C5: variants seen among roughly 807,000 people sequenced by gnomAD.
The protein encoded by C5 is complement C5.
A neutral mutation model predicts 218.8 loss-of-function variants in C5; 140 were observed. The observed-to-expected ratio is 0.64, with a 90% CI of 0.56 to 0.74. The LOEUF is 0.74. C5 is among the 30% of genes least tolerant of loss of function. C5 has a pLI of 0.00. For synonymous variants in C5, 614 were observed against 682.3 expected (o/e 0.90, Z 1.56); for missense variants, 1,700 against 1,969.6 (o/e 0.86, Z 2.59).
intron 28 of C5, among the ~76,000 whole-genome samples, chr9:120,979,004 C>T (rs1225376768): frequency 6.6e-6 from 1 of 152,206 alleles, no homozygotes; most frequent in African/African-American, 2.4e-5. Flanking sequence ...AGCCTCGATT[C>T]ACTTGATTGC....
At chr9:121,018,027 C>A (rs552285291) in intron 12 of C5, among the ~76,000 whole-genome samples, 175 bp from the exon 13 acceptor site, 33 of 151,686 alleles carry the variant, frequency 2.2e-4, no homozygotes, top group Non-Finnish European at 4.0e-4. Context: ...CCGAGGTGGG[C>A]CGATCACTTG....
At chr9:121,048,057 A>G (rs1349669832) in intron 1 of C5, among the ~76,000 whole-genome samples, 1 of 152,214 alleles carries the variant, frequency 6.6e-6, no homozygotes, top group African/African-American at 2.4e-5. Context: ...TTCACAAATT[A>G]TAGAATTAGA....
chr9:121,051,077 TGA>T (rs1258392559), upstream of C5, among the ~76,000 whole-genome samples: 1 of 152,058 alleles, frequency 6.6e-6, no homozygotes, highest in East Asian at 1.9e-4. Context: ...CTATAACAAT[TGA>T]GTCTAGTAAT....
intron 31 of C5, among the ~76,000 whole-genome samples, chr9:120,970,584 C>A (rs1240460398): frequency 6.6e-6 from 1 of 152,210 alleles, no homozygotes; most frequent in Non-Finnish European, 1.5e-5. Context: ...TTACACACAA[C>A]AGCACAAGGC....
At chr9:121,052,670 T>G (rs566412976), upstream of C5, among the ~76,000 whole-genome samples, 167 of 152,142 alleles carry the variant, frequency 1.1e-3, 3 homozygotes, top group Non-Finnish European at 8.5e-4. Flanking sequence ...ACCAGGCCCC[T>G]CTTGAGCCCT....
intron 20 of C5, among the ~76,000 whole-genome samples, chr9:121,002,331 TATATATATATACAC>T (rs1326682478): frequency 3.4e-5 from 4 of 116,668 alleles, no homozygotes; most frequent in African/African-American, 1.2e-4. Context: ...TATATATATA[TATATATATATACAC>T]ACATACCTAC....
chr9:121,054,321 C>T (rs1444498120), upstream of C5, among the ~76,000 whole-genome samples: 6 of 152,106 alleles, frequency 3.9e-5, no homozygotes, highest in African/African-American at 7.2e-5. Flanking sequence ...TGGTATAGTC[C>T]GGGCGTGGTG....
chr9:120,954,805 T>A (rs1018236836), intron 39 of C5, among the ~76,000 whole-genome samples: 2 of 152,258 alleles, frequency 1.3e-5, no homozygotes, highest in African/African-American at 2.4e-5. Context: ...ATTAGTGATA[T>A]AAATTTCAGT....
intron 21 of C5, 138 bp from the exon 22 acceptor site, chr9:120,996,438 C>G: frequency 1.3e-6 from 1 of 744,728 alleles, no homozygotes. Context: ...TAAATACTTA[C>G]ATGGATATAA....
chr9:121,002,132 A>G (rs1429725857), intron 20 of C5, among the ~76,000 whole-genome samples: 1 of 148,768 alleles, frequency 6.7e-6, no homozygotes, highest in Non-Finnish European at 1.5e-5. Context: ...GTGTATATAT[A>G]TATATATGTA....
In C5 at chr9:121,027,019, A is replaced by T. The variant is rs2047429754; in HGVS notation, c.873+141T>A. On this transcript the variant is annotated intron_variant, in intron 8 of 40. Coordinates refer to ENST00000223642, the MANE Select transcript of C5 (RefSeq NM_001735.3). ...CCAAGGAAAATGAACTTTACCCTAA[A>T]GGCAAAGGGAAGCCAATGGAGGATT... The T allele has an allele frequency of 5.9e-6, 4 of 674,296 alleles. No individual in the cohort carries two copies. The South Asian group carries it at 6.5e-5, about 11-fold the overall frequency. The allele number at this position is 674,296 out of a possible 1,614,324, so 41.8% of individuals were successfully genotyped here.
chr9:121,009,431 T>C (rs577005973), intron 17 of C5, among the ~76,000 whole-genome samples: 1 of 152,212 alleles, frequency 6.6e-6, no homozygotes, highest in South Asian at 2.1e-4. Flanking sequence ...TTTTGAAGAC[T>C]TGTGGCAACA....
chr9:121,036,011 C>G (rs1284339137), intron 4 of C5, among the ~76,000 whole-genome samples: 1 of 152,020 alleles, frequency 6.6e-6, no homozygotes, highest in Non-Finnish European at 1.5e-5. Flanking sequence ...GATCACACCA[C>G]TGCACTCCAG....
chr9:121,069,792 G>A, the C5 span, among the ~76,000 whole-genome samples: 1 of 152,108 alleles, frequency 6.6e-6, no homozygotes, highest in African/African-American at 2.4e-5. Context: ...GGGATTACAG[G>A]TGTGAGTCAC....
At chr9:121,016,423 T>C (rs764018378) in intron 14 of C5, 40 bp from the exon 15 acceptor site, 6 of 1,612,130 alleles carry the variant, frequency 3.7e-6, no homozygotes, top group Non-Finnish European at 5.1e-6. Flanking sequence ...TTGAGATGTA[T>C]AAATCATTCC....
intron 27 of C5, among the ~76,000 whole-genome samples, chr9:120,980,589 C>CT (rs923025298): frequency 4.0e-5 from 6 of 151,434 alleles, no homozygotes; most frequent in South Asian, 2.1e-4. Flanking sequence ...GACACAATTT[C>CT]TTTTTTTTTC....
At position 120,953,658 on chromosome 9, in the gene C5, T is replaced by C. The variant is rs552786127; in HGVS notation, c.4901+72A>G. On this transcript the variant is annotated intron_variant, in intron 40 of 40. Coordinates refer to ENST00000223642, the MANE Select transcript of C5 (RefSeq NM_001735.3). ...TAAGAGCAGGGCCATAAGAAACACGTAGTGTATTTAAGAATAAATTATACT... is the reference window on the plus strand; with the variant it reads ...TAAGAGCAGGGCCATAAGAAACACGCAGTGTATTTAAGAATAAATTATACT... The C allele has an allele frequency of 4.2e-6, 6 of 1,418,896 alleles. No individual in the cohort carries two copies. In the Admixed American group the frequency reaches 6.7e-5, roughly 16 times the overall value. The allele number at this position is 1,418,896 out of a possible 1,614,324, so 87.9% of individuals were successfully genotyped here. A position where few individuals can be genotyped will look rare whatever the true frequency, so the allele number is the denominator to read the frequency against.
intron 9 of C5, among the ~76,000 whole-genome samples, chr9:121,024,446 C>T (rs369291318): frequency 6.6e-6 from 1 of 151,712 alleles, no homozygotes; most frequent in African/African-American, 2.4e-5. Context: ...TTAAGTTAAA[C>T]TATTAAGAAT....
intron 9 of C5, among the ~76,000 whole-genome samples, chr9:121,023,868 G>A (rs1216075235): frequency 6.6e-6 from 1 of 151,980 alleles, no homozygotes; most frequent in Admixed American, 6.6e-5. Flanking sequence ...ATTGAGGAGA[G>A]AGGGAAGGGT....
Sources: gnomAD v4.1 joint callset for allele counts (sites outside exome capture counted in the v4.1 genomes callset) on GRCh38, gnomAD v4.1.1 for gene constraint, MANE v1.5 for transcripts, NCBI Gene and HGNC (gene_info 2026-07-23, HGNC 2026-07-21) for gene names.